WNK1: variants seen among roughly 807,000 people sequenced by gnomAD.
The protein encoded by WNK1 is WNK lysine deficient protein kinase 1.
Under a neutral mutation model 222.8 loss-of-function variants are expected in WNK1, and 38 were observed. The observed-to-expected ratio is 0.17, with a 90% CI of 0.13 to 0.22. WNK1 has a LOEUF of 0.22. Among genes scored for constraint, WNK1 ranks in the 10% least tolerant of loss-of-function variants. The pLI is 1.00. For missense variants in WNK1, 2,348 were observed against 2,918.4 expected, an observed-to-expected ratio of 0.80 and a Z score of 4.50; for synonymous variants, 1,090 against 1,092.9, an observed-to-expected ratio of 1.00 and a Z score of 0.05.
At chr12:766,812 T>TG (rs1315809733) in intron 1 of WNK1, among the ~76,000 whole-genome samples, 1 of 151,878 alleles carries the variant, frequency 6.6e-6, no homozygotes, top group African/African-American at 2.4e-5. Context: ...AGTCTTGCTC[T>TG]GTCGCCCAGG....
At chr12:863,231 G>T (rs1352983544) in intron 8 of WNK1, among the ~76,000 whole-genome samples, 3 of 152,044 alleles carry the variant, frequency 2.0e-5, no homozygotes, top group African/African-American at 7.2e-5. Flanking sequence ...TCTCTGTTAA[G>T]AAAATACTTC....
chr12:856,299 C>A (rs1318748472), intron 4 of WNK1, among the ~76,000 whole-genome samples: 1 of 151,360 alleles, frequency 6.6e-6, no homozygotes, highest in Non-Finnish European at 1.5e-5. Context: ...ACTAAAAATA[C>A]AAAAATTAGC....
At position 910,428 on chromosome 12, in the gene WNK1, A is replaced by G. The variant is rs964797001; in HGVS notation, c.*1636A>G. 6.6e-6 allele frequency: 1 copy of G among 152,166 alleles called. No individual in the cohort carries two copies. The highest frequency in any genetic ancestry group is 2.4e-5 in the African/African-American group (1 of 41,440). 9.4% of individuals were successfully genotyped at this position (152,166 alleles called of 1,614,324 possible). A position where few individuals can be genotyped will look rare whatever the true frequency, so the allele number is the denominator to read the frequency against. On this transcript the variant is annotated 3_prime_UTR_variant, in exon 28 of 28. Transcript: ENST00000315939. ...CTAGAAGTACAACTAATATGTTCAC[A>G]TTTTCAAATAAATAATACTCCCCGT...
chr12:801,028 A>G (rs1202713447), intron 1 of WNK1, among the ~76,000 whole-genome samples: 1 of 152,080 alleles, frequency 6.6e-6, no homozygotes, highest in Non-Finnish European at 1.5e-5. Flanking sequence ...GTACCCTCCA[A>G]CTATATTTTA....
In WNK1 at chr12:857,376, A is replaced by G. The variant is rs557528988; in HGVS notation, c.1400+127A>G. 151 of 891,428 alleles carry G rather than the reference A, an allele frequency of 1.7e-4. 1 individual carries two copies. In the African/African-American group the frequency reaches 2.4e-3, roughly 14 times the overall value. The allele number at this position is 891,428 out of a possible 1,614,324, so 55.2% of individuals were successfully genotyped here. A position where few individuals can be genotyped will look rare whatever the true frequency, so the allele number is the denominator to read the frequency against. On this transcript the variant is annotated intron_variant, in intron 5 of 27. Transcript: ENST00000315939. Reference sequence around the variant, plus strand: ...TGGTTTCTCTATTTGTGCCTGTAACATTTTTAAAGGTAGGGTTTTGTTCAT... The same window carrying G: ...TGGTTTCTCTATTTGTGCCTGTAACGTTTTTAAAGGTAGGGTTTTGTTCAT...
intron 1 of WNK1, among the ~76,000 whole-genome samples, chr12:771,592 G>A (rs1055426689): frequency 1.3e-4 from 19 of 151,868 alleles, no homozygotes; most frequent in Non-Finnish European, 2.5e-4. Flanking sequence ...ATGCCACCAC[G>A]TCCAGCTAAT....
At chr12:867,296 A>G (rs1592091332) in intron 8 of WNK1, among the ~76,000 whole-genome samples, 1 of 152,206 alleles carries the variant, frequency 6.6e-6, no homozygotes, top group African/African-American at 2.4e-5. Context: ...GTCAAATTAT[A>G]TATCTTTTAC....
chr12:857,570 AT>A (rs1189648030), intron 5 of WNK1, among the ~76,000 whole-genome samples: 1 of 152,246 alleles, frequency 6.6e-6, no homozygotes, highest in Non-Finnish European at 1.5e-5. Context: ...AACACAGGAA[AT>A]CTTTTCTTAG....
intron 4 of WNK1, among the ~76,000 whole-genome samples, chr12:843,666 A>G (rs888902465): frequency 1.3e-5 from 2 of 152,226 alleles, no homozygotes; most frequent in Non-Finnish European, 2.9e-5. Context: ...AAGAAAGGAT[A>G]TTGAGGACCC....
At chr12:876,569 C>CA (rs1168721209) in intron 9 of WNK1, among the ~76,000 whole-genome samples, 5 of 152,044 alleles carry the variant, frequency 3.3e-5, no homozygotes, top group African/African-American at 7.2e-5. Context: ...AAATCTAAGA[C>CA]ACTTATCAAG....
chr12:767,920 C>T (rs1312321942), intron 1 of WNK1, among the ~76,000 whole-genome samples: 4 of 152,098 alleles, frequency 2.6e-5, no homozygotes, highest in East Asian at 1.9e-4. Flanking sequence ...TTTGCTTCAA[C>T]GACGTAACTG....
intron 9 of WNK1, among the ~76,000 whole-genome samples, chr12:873,236 A>T (rs1952312971): frequency 6.6e-6 from 1 of 152,138 alleles, no homozygotes. Context: ...GTATTTGGGG[A>T]TATGTATGTA....
At chr12:774,183 G>A (rs1008677879) in intron 1 of WNK1, among the ~76,000 whole-genome samples, 2 of 152,156 alleles carry the variant, frequency 1.3e-5, no homozygotes, top group Non-Finnish European at 2.9e-5. Flanking sequence ...TCGTTACAGA[G>A]AATATTGGGT....
At chr12:895,789 G>T (rs1954686295) in intron 23 of WNK1, among the ~76,000 whole-genome samples, 8 of 152,084 alleles carry the variant, frequency 5.3e-5, no homozygotes, top group Admixed American at 3.3e-4. Context: ...TGTTGACTAA[G>T]ACATAAATCT....
intron 8 of WNK1, chr12:868,776 C>T (rs555036202): frequency 6.2e-7 from 1 of 1,614,044 alleles, no homozygotes; most frequent in African/African-American, 1.3e-5. Context: ...TACTTGCAGC[C>T]TGTGACTGAA....
chr12:871,370 A>G (rs201047994), intron 9 of WNK1, 22 bp downstream of exon 9: 2 of 1,606,414 alleles, frequency 1.2e-6, no homozygotes, highest in East Asian at 2.2e-5. Context: ...GCATTGCAAC[A>G]TTTTATGAAT....
Position 827,419 on chromosome 12 carries a change from C to G in WNK1, c.1153+157C>G, listed in dbSNP as rs1475022591. On this transcript the variant is annotated intron_variant, in intron 3 of 27. Coordinates refer to ENST00000315939, the MANE Select transcript of WNK1 (RefSeq NM_018979.4). This position sits in a 1 kb window ranked among gnomAD's most constrained non-coding sequence, Gnocchi z 4.6. ...TTGTACTTATGAGATATAGGATTCT[C>G]TATATTTGTGCTTCTTGGAATCATC... The G allele has an allele frequency of 1.5e-6, 1 of 663,302 alleles. No homozygotes were observed. Among genetic ancestry groups the G allele is most frequent in the Non-Finnish European group, 2.7e-6 (1 of 373,500 alleles). The allele number at this position is 663,302 out of a possible 1,614,324, so 41.1% of individuals were successfully genotyped here.
At chr12:819,617 G>A (rs1181201788) in intron 2 of WNK1, among the ~76,000 whole-genome samples, 1 of 152,156 alleles carries the variant, frequency 6.6e-6, no homozygotes, top group African/African-American at 2.4e-5. Context: ...GGCTTTTGGT[G>A]TCATGTAAGA....
chr12:832,535 T>A (rs1948880531), intron 4 of WNK1, among the ~76,000 whole-genome samples: 1 of 152,250 alleles, frequency 6.6e-6, no homozygotes, highest in South Asian at 2.1e-4. Flanking sequence ...GATTCTGTTG[T>A]TGATGGATAT....
Sources: gnomAD v4.1 joint callset for allele counts (sites outside exome capture counted in the v4.1 genomes callset) on GRCh38, gnomAD v4.1.1 for gene constraint, Gnocchi (gnomAD v3.1) non-coding constraint, MANE v1.5 for transcripts, NCBI Gene and HGNC (gene_info 2026-07-23, HGNC 2026-07-21) for gene names.